Variants in SDCCAG8 observed in about 807,000 individuals in gnomAD.
The protein encoded by SDCCAG8 is SHH signaling and ciliogenesis regulator SDCCAG8.
SDCCAG8 carries 74 observed loss-of-function variants against 101.8 expected under a neutral mutation model. The observed-to-expected ratio is 0.73, with a 90% CI of 0.60 to 0.88. SDCCAG8 has a LOEUF of 0.88. SDCCAG8 is among the 40% of genes least tolerant of loss of function. SDCCAG8 has a pLI of 0.00. For missense variants in SDCCAG8, 787 were observed against 822.6 expected, an observed-to-expected ratio of 0.96 and a Z score of 0.53; for synonymous variants, 281 against 292.9, an observed-to-expected ratio of 0.96 and a Z score of 0.41.
intron 1 of SDCCAG8, among the ~76,000 whole-genome samples, chr1:243,262,611 G>A (rs2067279317): frequency 6.6e-6 from 1 of 152,198 alleles, no homozygotes; most frequent in African/African-American, 2.4e-5. Flanking sequence ...TCAGTGTTAG[G>A]AGATTGTAGG....
At position 243,438,145 on chromosome 1, in the gene SDCCAG8, G is replaced by A. The variant is rs116485692; in HGVS notation, c.1985+11587G>A. Among the ~76,000 whole-genome samples the A allele has an allele frequency of 2.1e-3, 314 of 152,182 alleles. 1 individual carries two copies. The highest frequency in any genetic ancestry group is 7.3e-3 in the African/African-American group (303 of 41,518). ...AGCTGCTCGTGGGTTTTTTTGCCCC[G>A]CCTTCAATCTTTCCTGTGCGCATCC... On this transcript the variant is annotated intron_variant, in intron 16 of 17. Transcript: ENST00000366541.
At chr1:243,411,208 G>A (rs536616642) in intron 13 of SDCCAG8, among the ~76,000 whole-genome samples, 1 of 152,132 alleles carries the variant, frequency 6.6e-6, no homozygotes, top group African/African-American at 2.4e-5. Flanking sequence ...CAACCTCCCT[G>A]GGCTCAAGTG....
intron 16 of SDCCAG8, among the ~76,000 whole-genome samples, chr1:243,445,582 G>T (rs1340051053): frequency 6.6e-6 from 1 of 152,158 alleles, no homozygotes; most frequent in Non-Finnish European, 1.5e-5. Context: ...GATATGTGGG[G>T]CTGAGGCATA....
chr1:243,269,469 G>A (rs1044170236), intron 1 of SDCCAG8, among the ~76,000 whole-genome samples: 1 of 152,002 alleles, frequency 6.6e-6, no homozygotes, highest in Non-Finnish European at 1.5e-5. Context: ...TGTGTTCTAG[G>A]GGTGGTCAGT....
intron 1 of SDCCAG8, chr1:243,267,700 A>T: frequency 1.3e-6 from 1 of 790,866 alleles, no homozygotes; most frequent in Non-Finnish European, 2.3e-6. Flanking sequence ...AGTCATGTGC[A>T]TAGGTTCCTG....
intron 8 of SDCCAG8, among the ~76,000 whole-genome samples, chr1:243,308,505 C>A (rs913397523): frequency 6.6e-6 from 1 of 152,200 alleles, no homozygotes; most frequent in African/African-American, 2.4e-5. Flanking sequence ...GATTACAAAT[C>A]TAATACTATT....
intron 12 of SDCCAG8, among the ~76,000 whole-genome samples, chr1:243,358,766 C>T (rs2076533098): frequency 6.6e-6 from 1 of 152,096 alleles, no homozygotes; most frequent in Non-Finnish European, 1.5e-5. Context: ...ATACATATTA[C>T]ATGGCAGTAA....
At chr1:243,414,026 G>A (rs1359126178) in intron 13 of SDCCAG8, among the ~76,000 whole-genome samples, 1 of 152,184 alleles carries the variant, frequency 6.6e-6, no homozygotes, top group Non-Finnish European at 1.5e-5. Flanking sequence ...CTTCCTGTGT[G>A]CCAAGCACTG....
chr1:243,360,123 G>A (rs576399729), intron 12 of SDCCAG8, among the ~76,000 whole-genome samples: 21 of 149,240 alleles, frequency 1.4e-4, no homozygotes, highest in African/African-American at 4.7e-4. Flanking sequence ...GTCGTCTTCA[G>A]CTGTGTTATT....
intron 13 of SDCCAG8, 119 bp from the exon 14 acceptor site, chr1:243,415,583 C>A: frequency 7.1e-7 from 1 of 1,413,180 alleles, no homozygotes; most frequent in Non-Finnish European, 1.0e-6. Context: ...TAGAAAGGTC[C>A]TTGTCTTCTT....
At chr1:243,452,519 C>T (rs1026355570) in intron 16 of SDCCAG8, among the ~76,000 whole-genome samples, 2 of 149,486 alleles carry the variant, frequency 1.3e-5, no homozygotes, top group Non-Finnish European at 3.0e-5. Flanking sequence ...AACTCCTGGC[C>T]TGTAGGGATC....
intron 9 of SDCCAG8, among the ~76,000 whole-genome samples, chr1:243,317,773 G>A (rs753956038): frequency 3.9e-5 from 6 of 152,158 alleles, no homozygotes; most frequent in Non-Finnish European, 8.8e-5. Context: ...GGGCCACACC[G>A]TAATCCGTTA....
intron 13 of SDCCAG8, among the ~76,000 whole-genome samples, chr1:243,389,154 C>A (rs2078534075): frequency 6.7e-6 from 1 of 149,646 alleles, no homozygotes. Context: ...CCCCCCTCCC[C>A]CCCCCAAAAA....
chr1:243,453,105 T>C (rs1396049236), intron 16 of SDCCAG8, among the ~76,000 whole-genome samples: 1 of 152,254 alleles, frequency 6.6e-6, no homozygotes, highest in Admixed American at 6.5e-5. Context: ...CTTATGACTC[T>C]CCTTTTCCGG....
chr1:243,387,863 G>A (rs978865517), intron 13 of SDCCAG8, among the ~76,000 whole-genome samples: 1 of 152,026 alleles, frequency 6.6e-6, no homozygotes, highest in Non-Finnish European at 1.5e-5. Context: ...TTACAGGTAG[G>A]CACCACCATG....
At chr1:243,495,911 T>C (rs1667737301) in intron 17 of SDCCAG8, among the ~76,000 whole-genome samples, 1 of 152,174 alleles carries the variant, frequency 6.6e-6, no homozygotes, top group African/African-American at 2.4e-5. Flanking sequence ...TGGGAGAGTC[T>C]GGACTTTGAG....
chr1:243,453,403 TC>T (rs2083508871), intron 16 of SDCCAG8, among the ~76,000 whole-genome samples: 3 of 152,354 alleles, frequency 2.0e-5, no homozygotes, highest in Admixed American at 2.0e-4. Flanking sequence ...AGCTTGACTT[TC>T]CCTGGGCTTC....
At chr1:243,423,482 C>A (rs917753140) in intron 15 of SDCCAG8, among the ~76,000 whole-genome samples, 6 of 152,034 alleles carry the variant, frequency 3.9e-5, no homozygotes, top group African/African-American at 1.4e-4. Flanking sequence ...ACTCTGAAAA[C>A]AAAACTTTAT....
chr1:243,459,895 G>A (rs1050747783), intron 16 of SDCCAG8, among the ~76,000 whole-genome samples: 30 of 152,142 alleles, frequency 2.0e-4, no homozygotes, highest in Non-Finnish European at 3.5e-4. Context: ...CAGTTTGCAC[G>A]TGCTTCTGAG....
Sources: gnomAD v4.1 joint callset for allele counts (sites outside exome capture counted in the v4.1 genomes callset) on GRCh38, gnomAD v4.1.1 for gene constraint, MANE v1.5 for transcripts, NCBI Gene and HGNC (gene_info 2026-07-23, HGNC 2026-07-21) for gene names.